Variants in ZFP64 observed in about 807,000 individuals in gnomAD.
The protein encoded by ZFP64 is zinc finger protein 64.
Under a neutral mutation model 51.6 loss-of-function variants are expected in ZFP64, and 14 were observed. That is an observed-to-expected ratio of 0.27 (90% CI 0.18 to 0.42). ZFP64 has a LOEUF of 0.42. Among genes scored for constraint, ZFP64 ranks in the 10% least tolerant of loss-of-function variants. The pLI, the probability that ZFP64 is intolerant of heterozygous loss-of-function variation, is 1.00. For synonymous variants in ZFP64, 375 were observed against 361.4 expected (o/e 1.04, Z -0.43); for missense variants, 754 against 906.8 (o/e 0.83, Z 2.16).
At chr20:52,104,592 C>G (rs1214164041) in intron 5 of ZFP64, 1 of 421,972 alleles carries the variant, frequency 2.4e-6, no homozygotes, top group Admixed American at 2.7e-5. Context: ...TACAGCAGCG[C>G]TGACGCCCTG....
intron 2 of ZFP64, among the ~76,000 whole-genome samples, chr20:52,174,794 G>C (rs1196112039): frequency 6.6e-6 from 1 of 152,012 alleles, no homozygotes; most frequent in African/African-American, 2.4e-5. Flanking sequence ...TTGAAGACTT[G>C]GGTTAAAATG....
chr20:52,149,057 C>T (rs1190204986), downstream of ZFP64, among the ~76,000 whole-genome samples: 4 of 152,224 alleles, frequency 2.6e-5, no homozygotes, highest in African/African-American at 7.2e-5. Context: ...GGTCAACCAG[C>T]CCTATGCAGA....
At chr20:52,145,589 T>C (rs1409489175) in intron 5 of ZFP64, among the ~76,000 whole-genome samples, 3 of 152,118 alleles carry the variant, frequency 2.0e-5, no homozygotes, top group African/African-American at 7.2e-5. Context: ...CAGTGAGCTG[T>C]GATTGTGCCA....
chr20:52,098,664 G>T, intron 5 of ZFP64: 1 of 1,580,724 alleles, frequency 6.3e-7, no homozygotes, highest in Non-Finnish European at 8.6e-7. Flanking sequence ...GTAGGTTTGG[G>T]CTTATTTCAC....
At position 52,191,726 on chromosome 20, in the gene ZFP64, C is replaced by T; in HGVS notation, c.-90G>A. On this transcript the variant is annotated 5_prime_UTR_variant, in exon 1 of 6. Coordinates refer to ENST00000216923, the MANE Select transcript of ZFP64 (RefSeq NM_018197.3). The surrounding 1 kb of genome is among the most constrained non-coding windows in gnomAD (Gnocchi z 4.3). Reference sequence around the variant, plus strand: ...TGCAAGGACTTTTCCTTTTATTTTTCCACACCCCCCACCCTGCCTTCTCCC... The same window carrying T: ...TGCAAGGACTTTTCCTTTTATTTTTTCACACCCCCCACCCTGCCTTCTCCC... 7.0e-7 allele frequency: 1 copy of T among 1,425,166 alleles called. No homozygotes were observed. The allele number at this position is 1,425,166 out of a possible 1,614,324, so 88.3% of individuals were successfully genotyped here. A position where few individuals can be genotyped will look rare whatever the true frequency, so the allele number is the denominator to read the frequency against.
rs754277537 is a variant in ZFP64 at position 52,160,093 on chromosome 20, C to A, written c.763+30G>T. 4.0e-5 allele frequency: 65 copies of A among 1,613,832 alleles called. No individual in the cohort carries two copies. The highest frequency in any genetic ancestry group is 5.3e-5 in the Non-Finnish European group (63 of 1,180,014). On this transcript the variant is annotated intron_variant, in intron 5 of 5. Coordinates refer to ENST00000216923, the MANE Select transcript of ZFP64 (RefSeq NM_018197.3). This position sits in a 1 kb window ranked among gnomAD's most constrained non-coding sequence, Gnocchi z 4.2. ...GATTTATGCCATAGAAAGTGAGGAG[C>A]GTAGAGAGCAAATAACAGGCAGGAC...
chr20:52,120,003 G>C (rs1259409903), intron 5 of ZFP64, among the ~76,000 whole-genome samples: 1 of 152,110 alleles, frequency 6.6e-6, no homozygotes, highest in Admixed American at 6.6e-5. Flanking sequence ...CCCACATGAT[G>C]GTATTAAGAA....
chr20:52,148,084 G>A (rs1343561391), downstream of ZFP64, among the ~76,000 whole-genome samples: 1 of 152,156 alleles, frequency 6.6e-6, no homozygotes, highest in Admixed American at 6.5e-5. Context: ...GGTGGGGGTG[G>A]TTTAGGTACT....
intron 5 of ZFP64, among the ~76,000 whole-genome samples, chr20:52,123,330 G>C (rs1979286883): frequency 6.6e-6 from 1 of 152,190 alleles, no homozygotes; most frequent in African/African-American, 2.4e-5. Context: ...TTTGAAAGAA[G>C]TTCTATTGCA....
chr20:52,143,059 G>C (rs1980355149), intron 5 of ZFP64, among the ~76,000 whole-genome samples: 1 of 142,064 alleles, frequency 7.0e-6, no homozygotes, highest in South Asian at 2.4e-4. Flanking sequence ...TAGCAACATA[G>C]TATTTTTAAA....
chr20:52,086,768 G>A (rs6096739), intron 8 of ZFP64, among the ~76,000 whole-genome samples: 2,745 of 152,180 alleles, frequency 0.018, 83 homozygotes, highest in African/African-American at 0.063. Context: ...TTGAGCCACC[G>A]CGCCCGGCCC....
intron 2 of ZFP64, among the ~76,000 whole-genome samples, chr20:52,177,164 A>G (rs925476979): frequency 2.8e-4 from 42 of 151,880 alleles, no homozygotes; most frequent in African/African-American, 9.9e-4. Context: ...AATGGTTCTC[A>G]AATTTGATCA....
At chr20:52,110,804 G>T in intron 5 of ZFP64, 1 of 1,595,814 alleles carries the variant, frequency 6.3e-7, no homozygotes, top group Non-Finnish European at 8.6e-7. Flanking sequence ...TCTTTGAGCA[G>T]CTTGTATTTC....
At chr20:52,105,356 C>T in intron 5 of ZFP64, 3 of 1,243,502 alleles carry the variant, frequency 2.4e-6, no homozygotes, top group Non-Finnish European at 3.0e-6. Flanking sequence ...CAATTCTGCT[C>T]ATCAGCCGAG....
chr20:52,110,214 A>C, intron 5 of ZFP64: 1 of 244,520 alleles, frequency 4.1e-6, no homozygotes, highest in East Asian at 9.4e-5. Flanking sequence ...AGGCATACTC[A>C]GAGCTCAGAA....
At chr20:52,098,172 C>CAAAA (rs34173401) in intron 6 of ZFP64, among the ~76,000 whole-genome samples, 72 of 124,048 alleles carry the variant, frequency 5.8e-4, no homozygotes, top group South Asian at 4.7e-3. Context: ...AAACTGTCTC[C>CAAAA]AAAAAAAAAA....
intron 2 of ZFP64, among the ~76,000 whole-genome samples, chr20:52,182,015 G>A (rs528674782): frequency 2.0e-5 from 3 of 152,240 alleles, no homozygotes; most frequent in East Asian, 1.9e-4. Flanking sequence ...CCATCCTTTC[G>A]CCACCTGTTT....
At chr20:52,165,152 A>G in intron 3 of ZFP64, 1 of 460,034 alleles carries the variant, frequency 2.2e-6, no homozygotes, top group South Asian at 1.5e-5. Flanking sequence ...GAGGGGAAAA[A>G]TGTCATTCTT....
chr20:52,167,631 T>C lies in ZFP64; in HGVS notation c.287-1606A>G, dbSNP rs955159161. On this transcript the variant is annotated intron_variant, in intron 2 of 5. Coordinates refer to ENST00000216923, the MANE Select transcript of ZFP64 (RefSeq NM_018197.3). ...TTCTTTCTTAGAATGTACTTTGTCA[T>C]ATGAAGATTGGGTTTCAAATAAGAA... Among the ~76,000 whole-genome samples the C allele has an allele frequency of 3.3e-5, 5 of 151,236 alleles. No individual in the cohort carries two copies. The East Asian group carries it at 5.9e-4, about 18-fold the overall frequency.
Sources: allele counts gnomAD v4.1 joint callset (sites outside exome capture counted in the v4.1 genomes callset), GRCh38; gene constraint gnomAD v4.1.1; non-coding constraint Gnocchi (gnomAD v3.1); transcripts MANE v1.5; gene names NCBI Gene and HGNC (gene_info 2026-07-23, HGNC 2026-07-21).